BTBD7: variants seen among roughly 807,000 people sequenced by gnomAD.
The protein encoded by BTBD7 is BTB domain containing 7, also known as BTB/POZ domain-containing protein 7.
A neutral mutation model predicts 99.9 loss-of-function variants in BTBD7; 38 were observed. The ratio of observed to expected loss-of-function variants is 0.38; its 90% confidence interval spans 0.29 to 0.50. The LOEUF (loss-of-function observed/expected upper bound fraction) is 0.50. Among genes scored for constraint, BTBD7 ranks in the 20% least tolerant of loss-of-function variants. The probability of loss-of-function intolerance (pLI) is 0.93; values close to 1 mark genes in which losing one functional copy is unlikely to be tolerated. For synonymous variants in BTBD7, 520 were observed against 511.4 expected (o/e 1.02, Z -0.23); for missense variants, 1,170 against 1,394.6 (o/e 0.84, Z 2.57).
intron 6 of BTBD7, among the ~76,000 whole-genome samples, chr14:93,254,127 C>T (rs1295219131): frequency 3.3e-5 from 5 of 151,922 alleles, no homozygotes; most frequent in African/African-American, 7.3e-5. Flanking sequence ...TTAGTAGAGA[C>T]GGGGTTTCAC....
At chr14:93,249,449 G>T (rs1020217176) in intron 8 of BTBD7, among the ~76,000 whole-genome samples, 2 of 152,102 alleles carry the variant, frequency 1.3e-5, no homozygotes, top group Non-Finnish European at 2.9e-5. Flanking sequence ...CATGGATAAA[G>T]AATTTAAATT....
At chr14:93,280,706 A>C (rs1044658253) in intron 3 of BTBD7, among the ~76,000 whole-genome samples, 1 of 152,208 alleles carries the variant, frequency 6.6e-6, no homozygotes, top group Non-Finnish European at 1.5e-5. Flanking sequence ...TTAATTTACA[A>C]TAGAGACCAA....
rs541082235 is a variant in BTBD7 at position 93,333,004 on chromosome 14, C to T, written c.-291G>A. 1.9e-6 allele frequency: 1 copy of T among 538,464 alleles called. No homozygotes were observed. Among genetic ancestry groups the T allele is most frequent in the Non-Finnish European group, 3.1e-6 (1 of 319,996 alleles). 33.4% of individuals were successfully genotyped at this position (538,464 alleles called of 1,614,324 possible). On this transcript the variant is annotated 5_prime_UTR_variant, in exon 1 of 11. Coordinates refer to ENST00000334746, the MANE Select transcript of BTBD7 (RefSeq NM_001002860.4). ...AGGCTCCGGGACTGCTCCAGGTTCCCCTCGCCGCCATTTTGACTCCTAGAC... is the reference window on the plus strand; with the variant it reads ...AGGCTCCGGGACTGCTCCAGGTTCCTCTCGCCGCCATTTTGACTCCTAGAC...
At chr14:93,310,594 A>C (rs2139803125) in intron 1 of BTBD7, among the ~76,000 whole-genome samples, 1 of 152,116 alleles carries the variant, frequency 6.6e-6, no homozygotes, top group Non-Finnish European at 1.5e-5. Flanking sequence ...AAATAATAAA[A>C]ATTGGCCGGG....
In BTBD7 at chr14:93,242,006, A is replaced by C. The variant is rs2052235759; in HGVS notation, c.*267T>G. 15 of 461,024 alleles carry C rather than the reference A, an allele frequency of 3.3e-5. No individual in the cohort carries two copies. The East Asian group carries it at 4.5e-4, about 14-fold the overall frequency. 28.6% of individuals were successfully genotyped at this position (461,024 alleles called of 1,614,324 possible). A position where few individuals can be genotyped will look rare whatever the true frequency, so the allele number is the denominator to read the frequency against. On this transcript the variant is annotated 3_prime_UTR_variant, in exon 11 of 11. Transcript: ENST00000334746. The stretch of plus-strand genomic sequence containing the variant: ...AAAAATTCCATCATTTGTAAAGAGA[A>C]ATAAAAAGTGCCAGCCTGCTTGTTC...
In BTBD7 at chr14:93,242,462, A is replaced by G. The variant is rs2052242938; in HGVS notation, c.3210T>C (p.Pro1070=). Residue 1070 remains proline (P), a synonymous_variant, in exon 11 of 11, where the codon CCT becomes CCC. Transcript: ENST00000334746. ...VETDLTFGLT[P]NRPSLSACSS... is the part of the protein sequence containing the mutation. ...TACATGCAGAAAGTGAAGGTCTGTT[A>G]GGAGTCAGCCCAAAAGTCAAGTCAG... is the stretch of plus-strand genomic sequence containing the variant. The G allele has an allele frequency of 6.2e-7, 1 of 1,614,108 alleles. No individual in the cohort carries two copies. Among genetic ancestry groups the G allele is most frequent in the African/African-American group, 1.3e-5 (1 of 74,940 alleles).
At chr14:93,290,371 C>T (rs1314538867) in intron 3 of BTBD7, among the ~76,000 whole-genome samples, 2 of 151,504 alleles carry the variant, frequency 1.3e-5, no homozygotes, top group Non-Finnish European at 2.9e-5. Flanking sequence ...TGCCACCATG[C>T]CCAGCTAATT....
intron 3 of BTBD7, among the ~76,000 whole-genome samples, chr14:93,292,327 A>G (rs1416058871): frequency 6.6e-6 from 1 of 152,142 alleles, no homozygotes; most frequent in Non-Finnish European, 1.5e-5. Flanking sequence ...TGCAAACTTC[A>G]AATTTTTCTG....
chr14:93,282,152 G>T (rs1221936805), intron 3 of BTBD7, among the ~76,000 whole-genome samples: 1 of 152,100 alleles, frequency 6.6e-6, no homozygotes, highest in Admixed American at 6.5e-5. Context: ...ATTAAGTGAG[G>T]TATTCCATAA....
chr14:93,315,840 G>A (rs2053196729), intron 1 of BTBD7, among the ~76,000 whole-genome samples: 1 of 151,888 alleles, frequency 6.6e-6, no homozygotes, highest in African/African-American at 2.4e-5. Flanking sequence ...GGACATTTGG[G>A]TTGTTTCCAC....
rs2053164351 is a variant in BTBD7, at chr14:93,313,667, C to T, written c.-106-17510G>A. Among the ~76,000 whole-genome samples the T allele has an allele frequency of 2.1e-5, 3 of 145,076 alleles. No homozygotes were observed. In the South Asian group the frequency reaches 6.6e-4, roughly 32 times the overall value. On this transcript the variant is annotated intron_variant, in intron 1 of 10. Coordinates refer to ENST00000334746, the MANE Select transcript of BTBD7 (RefSeq NM_001002860.4). The stretch of plus-strand genomic sequence containing the variant: ...AAAGTATCTGAATTTTTGACTTATC[C>T]TAAAATGAAACTACACACACACACA...
rs1427778099 is a variant in BTBD7 at position 93,238,864 on chromosome 14, AC to A, written c.*3408del. On this transcript the variant is annotated 3_prime_UTR_variant, in exon 11 of 11. Coordinates refer to ENST00000334746, the MANE Select transcript of BTBD7 (RefSeq NM_001002860.4). ...GCTAGAATGGCAACAACAAACCAAA[AC>A]AAAAATCCAATGAAGGATGGCAGAT... 1 of 152,238 alleles carries A rather than the reference AC, an allele frequency of 6.6e-6. No homozygotes were observed. Among genetic ancestry groups the A allele is most frequent in the African/African-American group, 2.4e-5 (1 of 41,468 alleles). The allele number at this position is 152,238 out of a possible 1,614,324, so 9.4% of individuals were successfully genotyped here. A position where few individuals can be genotyped will look rare whatever the true frequency, so the allele number is the denominator to read the frequency against.
chr14:93,253,899 T>A, intron 6 of BTBD7, 109 bp from the exon 7 acceptor site: 3 of 552,672 alleles, frequency 5.4e-6, no homozygotes, highest in Non-Finnish European at 8.1e-6. Context: ...CTTTATCATT[T>A]AAATAAAAAT....
intron 1 of BTBD7, among the ~76,000 whole-genome samples, chr14:93,331,741 C>A (rs1401720117): frequency 1.3e-5 from 2 of 152,096 alleles, no homozygotes; most frequent in Non-Finnish European, 2.9e-5. Context: ...ACTAGCCGGG[C>A]GTGGCAGCGG....
At chr14:93,253,944 A>T (rs1359559197) in intron 6 of BTBD7, among the ~76,000 whole-genome samples, 154 bp from the exon 7 acceptor site, 4 of 146,956 alleles carry the variant, frequency 2.7e-5, no homozygotes, top group African/African-American at 7.4e-5. Context: ...AATACCTCAA[A>T]TTTTTTTTTT....
chr14:93,292,504 T>G (rs2052870393), intron 3 of BTBD7, among the ~76,000 whole-genome samples: 1 of 152,226 alleles, frequency 6.6e-6, no homozygotes, highest in African/African-American at 2.4e-5. Flanking sequence ...ACATTTTGGT[T>G]GTTGTAATAA....
At chr14:93,253,921 T>C (rs199500041) in intron 6 of BTBD7, 131 bp from the exon 7 acceptor site, 2 of 500,978 alleles carry the variant, frequency 4.0e-6, no homozygotes, top group Non-Finnish European at 6.0e-6. Flanking sequence ...TAGAAATGTA[T>C]ATGAAATTTA....
intron 3 of BTBD7, chr14:93,288,796 G>C: frequency 6.5e-7 from 1 of 1,545,064 alleles, no homozygotes; most frequent in Admixed American, 2.1e-5. Context: ...ATCAGTATCT[G>C]TAAGTGTATA....
In BTBD7 at chr14:93,306,276, G is replaced by A. The variant is rs563689430; in HGVS notation, c.-106-10119C>T. On this transcript the variant is annotated intron_variant, in intron 1 of 10. Transcript: ENST00000334746. ...AGGAGAAGCAATTTATGGGTCCACT[G>A]AGGGTGATAAAGGTAATGGGTTTGA... 5.3e-5 allele frequency among the ~76,000 whole-genome samples: 8 copies of A among 152,184 alleles called. No individual in the cohort carries two copies. The East Asian group carries it at 1.2e-3, about 22-fold the overall frequency.
Sources: allele counts gnomAD v4.1 joint callset (sites outside exome capture counted in the v4.1 genomes callset), GRCh38; gene constraint gnomAD v4.1.1; transcripts MANE v1.5; gene names NCBI Gene and HGNC (gene_info 2026-07-23, HGNC 2026-07-21).